Variants in ZNF782 observed in about 807,000 individuals in gnomAD.
ZNF782 encodes zinc finger protein 782.
In ZNF782, 12 loss-of-function variants were observed where a neutral mutation model predicts 13.0. That is an observed-to-expected ratio of 0.92 (90% CI 0.59 to 1.50). ZNF782 has a LOEUF of 1.50. ZNF782 is among the 40% of genes most tolerant of loss of function. ZNF782 has a pLI of 0.00. For synonymous variants in ZNF782, 284 were observed against 283.0 expected, an observed-to-expected ratio of 1.00 and a Z score of -0.04; for missense variants, 770 against 822.9, an observed-to-expected ratio of 0.94 and a Z score of 0.79.
intron 5 of ZNF782, 150 bp downstream of exon 5, chr9:96,826,930 A>G: frequency 1.9e-6 from 1 of 517,736 alleles, no homozygotes; most frequent in South Asian, 3.2e-5. Context: ...TTTCCTACGA[A>G]CTTTGCCCCA....
the ZNF782 span, among the ~76,000 whole-genome samples, chr9:96,917,887 CGTGTGTGTGTGTGTGTGT>C: frequency 4.1e-5 from 5 of 121,718 alleles, no homozygotes; most frequent in South Asian, 2.6e-4. Context: ...CCACCCTTGG[CGTGTGTGTGTGTGTGTGT>C]GTGTGTGTGT....
upstream of ZNF782, among the ~76,000 whole-genome samples, chr9:96,879,760 T>C (rs778929176): frequency 1.3e-5 from 2 of 152,256 alleles, no homozygotes; most frequent in African/African-American, 4.8e-5. Context: ...AATAAGCTTA[T>C]GTTTAATTTC....
intron 1 of ZNF782, among the ~76,000 whole-genome samples, chr9:96,869,218 T>C (rs1016886702): frequency 1.7e-4 from 26 of 152,218 alleles, no homozygotes; most frequent in Admixed American, 1.1e-3. Flanking sequence ...TTATGGTTTA[T>C]ACAAAGATTC....
At chr9:96,907,365 T>C in the ZNF782 span, among the ~76,000 whole-genome samples, 2 of 152,024 alleles carry the variant, frequency 1.3e-5, no homozygotes, top group Non-Finnish European at 2.9e-5. Flanking sequence ...GGGCAGTTGT[T>C]GTTTAACGGA....
upstream of ZNF782, among the ~76,000 whole-genome samples, chr9:96,854,921 TA>T (rs552945321): frequency 3.2e-4 from 49 of 151,884 alleles, no homozygotes; most frequent in Middle Eastern, 3.4e-3. Context: ...ATTTTTTTTT[TA>T]AAAAAAGGGA....
In ZNF782 at chr9:96,818,729, T is replaced by C. The variant is rs757415420; in HGVS notation, c.1294A>G (p.Ser432Gly). 6 of 1,614,108 alleles carry C rather than the reference T, an allele frequency of 3.7e-6. No homozygotes were observed. The highest frequency in any genetic ancestry group is 4.2e-6 in the Non-Finnish European group (5 of 1,180,006). Residue 432 changes from serine (S) to glycine (G), a missense_variant, in exon 6 of 6, where the codon AGT becomes GGT. Coordinates refer to ENST00000481138, the MANE Select transcript of ZNF782 (RefSeq NM_001001662.3). ...TGTATTCTTAGGCCTGACTTTGCAC[T>C]GAAAGCTTTATCACATCCATCACAT... ...YKCDGCDKAF[S>G]AKSGLRIHQR...
intron 1 of ZNF782, among the ~76,000 whole-genome samples, chr9:96,865,931 A>G (rs182254216): frequency 1.0e-3 from 155 of 152,308 alleles, no homozygotes; most frequent in African/African-American, 3.7e-3. Flanking sequence ...GAAATGATTT[A>G]GGGTATCTGG....
At chr9:96,903,556 G>GTTTTTTTTTTTTTTTTTT in the ZNF782 span, among the ~76,000 whole-genome samples, 1 of 75,462 alleles carries the variant, frequency 1.3e-5, no homozygotes, top group Non-Finnish European at 2.2e-5. Flanking sequence ...TTTTATGTTG[G>GTTTTTTTTTTTTTTTTTT]TTTTTTTTTT....
rs117961265 is a variant in ZNF782 at position 96,846,954 on chromosome 9, A to G, written c.16-1938T>C. Among the ~76,000 whole-genome samples, 242 of 152,314 alleles carry G rather than the reference A, an allele frequency of 1.6e-3. 5 individuals are homozygous for G. The East Asian group carries it at 0.043, about 27-fold the overall frequency. On this transcript the variant is annotated intron_variant, in intron 3 of 5. Coordinates refer to ENST00000481138, the MANE Select transcript of ZNF782 (RefSeq NM_001001662.3). ...TATGATAGGCCACAAAACAAGTCTC[A>G]ATACATTTTTAAAAATCGAAATCAT...
upstream of ZNF782, among the ~76,000 whole-genome samples, chr9:96,856,512 G>A (rs1292985244): frequency 2.0e-5 from 3 of 152,198 alleles, no homozygotes; most frequent in Non-Finnish European, 4.4e-5. Context: ...ATGATCAAAG[G>A]TCAGTCTTAG....
chr9:96,889,941 ATTC>A, the ZNF782 span: 2 of 152,260 alleles, frequency 1.3e-5, no homozygotes, highest in Middle Eastern at 3.4e-3. Flanking sequence ...AAAAATCCAA[ATTC>A]TTTTATTCAG....
intron 1 of ZNF782, among the ~76,000 whole-genome samples, chr9:96,875,150 C>T (rs1026933350): frequency 1.3e-5 from 2 of 152,214 alleles, no homozygotes; most frequent in Admixed American, 1.3e-4. Context: ...TAAATTTCCT[C>T]ACTGCTAGCT....
the ZNF782 span, chr9:96,910,392 A>T: frequency 1.8e-6 from 1 of 560,994 alleles, no homozygotes; most frequent in Non-Finnish European, 3.3e-6. Context: ...CAGAAGACCG[A>T]CAAGGATGAC....
At chr9:96,827,038 G>A (rs951791349) in intron 5 of ZNF782, 42 bp downstream of exon 5, 7 of 1,350,876 alleles carry the variant, frequency 5.2e-6, no homozygotes, top group Non-Finnish European at 7.3e-6. Context: ...AGTACTCCTA[G>A]TGAATCAGAG....
chr9:96,821,669 CTTT>C (rs1232848204), intron 5 of ZNF782, among the ~76,000 whole-genome samples: 2 of 141,292 alleles, frequency 1.4e-5, no homozygotes, highest in Non-Finnish European at 3.1e-5. Flanking sequence ...TAATAGTTCA[CTTT>C]TTTTTTTTTT....
intron 5 of ZNF782, among the ~76,000 whole-genome samples, chr9:96,820,471 A>T (rs534376036): frequency 6.6e-6 from 1 of 152,170 alleles, no homozygotes; most frequent in African/African-American, 2.4e-5. Context: ...TTTTCCACCT[A>T]GACTGGATTC....
At chr9:96,819,810 A>G in intron 5 of ZNF782, 32 bp from the exon 6 acceptor site, 1 of 1,503,964 alleles carries the variant, frequency 6.6e-7, no homozygotes, top group Non-Finnish European at 8.9e-7. Context: ...AAACTTTATG[A>G]TATTTAACAC....
At chr9:96,922,044 G>A in the ZNF782 span, among the ~76,000 whole-genome samples, 2 of 150,846 alleles carry the variant, frequency 1.3e-5, no homozygotes, top group Admixed American at 6.6e-5. Flanking sequence ...TGATGGTCCA[G>A]GAACCACACT....
chr9:96,925,228 C>T, the ZNF782 span, among the ~76,000 whole-genome samples: 59 of 152,124 alleles, frequency 3.9e-4, no homozygotes, highest in Middle Eastern at 3.4e-3. Flanking sequence ...AGGCGTGGAG[C>T]CCGCCCTGGG....
Sources: allele counts gnomAD v4.1 joint callset (sites outside exome capture counted in the v4.1 genomes callset), GRCh38; gene constraint gnomAD v4.1.1; transcripts MANE v1.5; gene names NCBI Gene and HGNC (gene_info 2026-07-23, HGNC 2026-07-21).